The following PAPPA variants were observed in gnomAD, a reference collection of about 807,000 sequenced individuals.
PAPPA encodes the protein pappalysin-1.
In PAPPA, 60 loss-of-function variants were observed where a neutral mutation model predicts 164.0. That is an observed-to-expected ratio of 0.37 (90% CI 0.30 to 0.45). PAPPA has a LOEUF of 0.45. Among genes scored for constraint, PAPPA ranks in the 20% least tolerant of loss-of-function variants. The pLI is 1.00. For missense variants in PAPPA, 1,782 were observed against 2,087.3 expected, an observed-to-expected ratio of 0.85 and a Z score of 2.85; for synonymous variants, 875 against 814.1, an observed-to-expected ratio of 1.07 and a Z score of -1.27.
intron 7 of PAPPA, among the ~76,000 whole-genome samples, chr9:116,237,812 C>CA (rs1844688563): frequency 6.6e-6 from 1 of 151,964 alleles, no homozygotes; most frequent in Admixed American, 6.6e-5. Flanking sequence ...CTCCACCCCC[C>CA]AGGTATAAGC....
intron 13 of PAPPA, among the ~76,000 whole-genome samples, chr9:116,343,243 A>G (rs184690175): frequency 5.3e-5 from 8 of 152,330 alleles, no homozygotes; most frequent in Non-Finnish European, 8.8e-5. Flanking sequence ...TTGCCTAACT[A>G]TAATACAAGG....
rs11794030 is a variant in PAPPA, at chr9:116,202,778, A to T, written c.1479-4678A>T. 3.7e-3 allele frequency among the ~76,000 whole-genome samples: 565 copies of T among 152,226 alleles called. 1 individual carries two copies. The highest frequency in any genetic ancestry group is 7.0e-3 in the Non-Finnish European group (475 of 67,996). On this transcript the variant is annotated intron_variant, in intron 2 of 21. Coordinates refer to ENST00000328252, the MANE Select transcript of PAPPA (RefSeq NM_002581.5). Reference sequence around the variant, plus strand: ...TATTTTTGGGTACACTTCCTGTGCTATCTGTCTTACTCTTATTTTGCATAT... The same window carrying T: ...TATTTTTGGGTACACTTCCTGTGCTTTCTGTCTTACTCTTATTTTGCATAT...
At chr9:116,245,313 A>G (rs1346042128) in intron 7 of PAPPA, among the ~76,000 whole-genome samples, 1 of 152,194 alleles carries the variant, frequency 6.6e-6, no homozygotes, top group Non-Finnish European at 1.5e-5. Context: ...ATACAAATAA[A>G]AAAAGAAGGG....
Position 116,352,799 on chromosome 9 carries a change from C to A in PAPPA, c.4058C>A (p.Pro1353His), listed in dbSNP as rs1446049616. ...ATGTGCCTCGCTCCACCCCCTGTGC[C>A]CAATGCAGACCTCCAGACCGCCCGG... ...ELMCLAPPPV[P>H]NADLQTARCR... Residue 1353 changes from proline (P) to histidine (H), a missense_variant, in exon 16 of 22, where the codon CCC becomes CAC. Pro to His is a moderately conservative substitution (Grantham distance 77, BLOSUM62 -2). Coordinates refer to ENST00000328252, the MANE Select transcript of PAPPA (RefSeq NM_002581.5). 9 of 1,614,004 alleles carry A rather than the reference C, an allele frequency of 5.6e-6. No individual in the cohort carries two copies. Among genetic ancestry groups the A allele is most frequent in the Non-Finnish European group, 7.6e-6 (9 of 1,179,964 alleles).
At chr9:116,353,887 T>A in intron 17 of PAPPA, 94 bp downstream of exon 17, 1 of 856,270 alleles carries the variant, frequency 1.2e-6, no homozygotes, top group Non-Finnish European at 1.8e-6. Flanking sequence ...TTTCTGCACT[T>A]TTGTAATCTC....
Position 116,188,017 on chromosome 9 carries a change from G to A in PAPPA, c.1279G>A (p.Glu427Lys), listed in dbSNP as rs931139213. Residue 427 changes from glutamate to lysine, a missense_variant, in exon 2 of 22, where the codon GAG (glutamate) becomes AAG (lysine). Glu to Lys is a moderately conservative substitution (Grantham distance 56). Coordinates refer to ENST00000328252, the MANE Select transcript of PAPPA (RefSeq NM_002581.5). ...GATTGGGGATGAGAACTGTGACCCC[G>A]AGTGCAACCACACGCTGACGGGCCA... ...SKIGDENCDP[E>K]CNHTLTGHDG... 3.7e-6 allele frequency: 6 copies of A among 1,614,160 alleles called. No individual in the cohort carries two copies. The highest frequency in any genetic ancestry group is 3.3e-5 in the Admixed American group (2 of 60,026).
At chr9:116,322,547 TG>T (rs1419324169) in intron 10 of PAPPA, among the ~76,000 whole-genome samples, 1 of 152,160 alleles carries the variant, frequency 6.6e-6, no homozygotes, top group Non-Finnish European at 1.5e-5. Context: ...TGGGCCATTC[TG>T]TGTCCAGGTT....
At chr9:116,185,402 C>T (rs1183714838) in intron 1 of PAPPA, among the ~76,000 whole-genome samples, 1 of 152,190 alleles carries the variant, frequency 6.6e-6, no homozygotes, top group Non-Finnish European at 1.5e-5. Flanking sequence ...CAATTCTAAG[C>T]TCCCACTGCC....
chr9:116,199,876 G>T (rs1353809694), intron 2 of PAPPA, among the ~76,000 whole-genome samples: 1 of 152,098 alleles, frequency 6.6e-6, no homozygotes, highest in African/African-American at 2.4e-5. Flanking sequence ...CATGGCAAGA[G>T]AAGAAGCAAG....
chr9:116,318,713 A>G (rs1564223528), intron 10 of PAPPA: 1 of 152,196 alleles, frequency 6.6e-6, no homozygotes, highest in Non-Finnish European at 1.5e-5. Flanking sequence ...CAGCCTCCAG[A>G]TGTTAGCAGT....
chr9:116,362,603 C>A lies in PAPPA; in HGVS notation c.4359C>A (p.Ser1453Arg), dbSNP rs769809763. The A allele has an allele frequency of 6.2e-7, 1 of 1,613,632 alleles. No individual in the cohort carries two copies. Among genetic ancestry groups the A allele is most frequent in the African/African-American group, 1.3e-5 (1 of 75,042 alleles). Residue 1453 changes from serine to arginine, a missense_variant, in exon 18 of 22, where the codon AGC becomes AGA. Around this residue, in one of 2 missense-constraint regions of PAPPA, gnomAD observed 1,324 missense variants for 1,656.9 expected, o/e 0.80. Transcript: ENST00000328252. ...TCTCTGTTGTTCAGGGACTTGGGAG[C>A]AATGTCATTCATTGCCGGAAAGATG... ...EDSDASQGLG[S>R]NVIHCRKDGT...
intron 7 of PAPPA, among the ~76,000 whole-genome samples, chr9:116,256,943 C>T (rs1476278013): frequency 3.5e-5 from 5 of 144,234 alleles, no homozygotes; most frequent in Admixed American, 1.4e-4. Flanking sequence ...TTTTTTTTAC[C>T]ATGTACTAGG....
At chr9:116,329,618 C>T (rs189541622) in intron 10 of PAPPA, among the ~76,000 whole-genome samples, 183 of 152,184 alleles carry the variant, frequency 1.2e-3, no homozygotes, top group African/African-American at 4.1e-3. Context: ...TCACATGAAT[C>T]GCTGGGCAAT....
intron 2 of PAPPA, among the ~76,000 whole-genome samples, chr9:116,204,449 C>G (rs1308240667): frequency 6.6e-6 from 1 of 152,164 alleles, no homozygotes; most frequent in Non-Finnish European, 1.5e-5. Context: ...GCCTATTGCT[C>G]TATTGCCCAA....
Position 116,400,019 on chromosome 9 carries a change from G to GAAAGAAAGAA in PAPPA, c.*3415_*3424dup, listed in dbSNP as rs1412577410. The GAAAGAAAGAA allele has an allele frequency of 5.3e-5, 8 of 152,156 alleles. No individual in the cohort carries two copies. The Admixed American group carries it at 5.3e-4, about 10-fold the overall frequency. The allele number at this position is 152,156 out of a possible 1,614,324, so 9.4% of individuals were successfully genotyped here. A position where few individuals can be genotyped will look rare whatever the true frequency, so the allele number is the denominator to read the frequency against. On this transcript the variant is annotated 3_prime_UTR_variant, in exon 22 of 22. Coordinates refer to ENST00000328252, the MANE Select transcript of PAPPA (RefSeq NM_002581.5). Reference sequence around the variant, plus strand: ...TTGTTGTTATAGGTCTTACCTGTGTGAAAGAAAGAAAAAGAAAGAAAGAAA... The same window carrying GAAAGAAAGAA: ...TTGTTGTTATAGGTCTTACCTGTGTGAAAGAAAGAAAAAGAAAGAAAAAGAAAGAAAGAAA...
chr9:116,235,394 C>T lies in PAPPA; in HGVS notation c.2489C>T (p.Pro830Leu). Residue 830 changes from proline to leucine, a missense_variant, in exon 7 of 22, where the codon CCT (proline) becomes CTT (leucine). By Grantham distance (98) the Pro-to-Leu change is moderately conservative. This residue lies in a region of PAPPA where 1,324 missense variants were observed against 1,656.9 expected (regional missense o/e 0.80). Coordinates refer to ENST00000328252, the MANE Select transcript of PAPPA (RefSeq NM_002581.5). ...AGTGGGAAGAACATCTCCCTGGGTC[C>T]TCAGAATGTCTTCTGTGATGTCCCA... ...AVSGKNISLG[P>L]QNVFCDVPLT... The T allele has an allele frequency of 1.2e-6, 2 of 1,614,012 alleles. No homozygotes were observed. The highest frequency in any genetic ancestry group is 8.5e-7 in the Non-Finnish European group (1 of 1,180,006).
intron 20 of PAPPA, among the ~76,000 whole-genome samples, chr9:116,381,362 T>C (rs1386732768): frequency 1.3e-5 from 2 of 152,184 alleles, no homozygotes; most frequent in Non-Finnish European, 2.9e-5. Flanking sequence ...ATGAGGTGAT[T>C]GGGAGTCAAA....
chr9:116,331,988 TA>T (rs1845998844), intron 11 of PAPPA, among the ~76,000 whole-genome samples: 1 of 152,200 alleles, frequency 6.6e-6, no homozygotes, highest in African/African-American at 2.4e-5. Flanking sequence ...CTCATTATCT[TA>T]CTAGAACCTC....
At chr9:116,381,394 G>A (rs558978063) in intron 20 of PAPPA, among the ~76,000 whole-genome samples, 24 of 152,334 alleles carry the variant, frequency 1.6e-4, no homozygotes, top group African/African-American at 5.8e-4. Context: ...CATTGCCCAT[G>A]TCCATGAAGA....
Sources: gnomAD v4.1 joint callset for allele counts (sites outside exome capture counted in the v4.1 genomes callset) on GRCh38, gnomAD v4.1.1 for gene constraint, gnomAD v4.1.1 regional missense constraint, MANE v1.5 for transcripts, NCBI Gene and HGNC (gene_info 2026-07-23, HGNC 2026-07-21) for gene names.